The following ZNF462 variants were observed in gnomAD, a reference collection of about 807,000 sequenced individuals.
ZNF462 encodes the protein zinc finger protein 462.
In ZNF462, 10 loss-of-function variants were observed where a neutral mutation model predicts 201.9. That is an observed-to-expected ratio of 0.05 (90% CI 0.03 to 0.08). ZNF462 has a LOEUF of 0.08. Ranked by LOEUF, ZNF462 falls within the 10% of genes least tolerant of loss-of-function variation. The probability of loss-of-function intolerance (pLI) is 1.00; values close to 1 mark genes in which losing one functional copy is unlikely to be tolerated. For missense variants in ZNF462, 2,523 were observed against 3,168.3 expected, an observed-to-expected ratio of 0.80 and a Z score of 4.89; for synonymous variants, 1,227 against 1,193.3, an observed-to-expected ratio of 1.03 and a Z score of -0.58.
At chr9:106,892,300 A>G (rs1828613246) in intron 1 of ZNF462, among the ~76,000 whole-genome samples, 1 of 152,154 alleles carries the variant, frequency 6.6e-6, no homozygotes, top group Non-Finnish European at 1.5e-5. Context: ...CGAAAGTGCA[A>G]CTCAGAAGAT....
upstream of ZNF462, chr9:106,863,033 G>A (rs1029069894): frequency 2.5e-6 from 1 of 396,832 alleles, no homozygotes; most frequent in Non-Finnish European, 4.4e-6. Context: ...GAGAGAGAGA[G>A]CGCGCGAGGG....
In ZNF462 at chr9:106,966,745, A is replaced by G. The variant is rs904177650; in HGVS notation, c.6428-5260A>G. On this transcript the variant is annotated intron_variant, in intron 7 of 12. Coordinates refer to ENST00000277225, the MANE Select transcript of ZNF462 (RefSeq NM_021224.6). This position sits in a 1 kb window ranked among gnomAD's most constrained non-coding sequence, Gnocchi z 4.4. Reference sequence around the variant, plus strand: ...TTGCTGAATGAATGGGTGTAATTGAATCATTTGCCCCTTGGCCACCTCTAA... The same window carrying G: ...TTGCTGAATGAATGGGTGTAATTGAGTCATTTGCCCCTTGGCCACCTCTAA... Among the ~76,000 whole-genome samples, 1 of 152,158 alleles carries G rather than the reference A, an allele frequency of 6.6e-6. No homozygotes were observed. The highest frequency in any genetic ancestry group is 2.4e-5 in the African/African-American group (1 of 41,450).
chr9:106,862,886 T>C (rs564999420), upstream of ZNF462, among the ~76,000 whole-genome samples: 2 of 152,126 alleles, frequency 1.3e-5, no homozygotes, highest in South Asian at 4.1e-4. This position sits in a 1 kb window ranked among gnomAD's most constrained non-coding sequence, Gnocchi z 4.2. Flanking sequence ...GTTGTTGTTA[T>C]TAGAAAGGCT....
rs1484576406 is a variant in ZNF462 at position 106,972,327 on chromosome 9, C to G, written c.6695+55C>G. ...ACAAGGCGGCCGCCCCTGCTCCACC[C>G]CTCACTGCAGGCTTCCCTTACACTT... On this transcript the variant is annotated intron_variant, in intron 8 of 12. Transcript: ENST00000277225. This position sits in a 1 kb window ranked among gnomAD's most constrained non-coding sequence, Gnocchi z 4.8. 2 of 1,572,404 alleles carry G rather than the reference C, an allele frequency of 1.3e-6. No individual in the cohort carries two copies. The highest frequency in any genetic ancestry group is 1.7e-6 in the Non-Finnish European group (2 of 1,159,060).
chr9:106,907,322 C>CT, intron 1 of ZNF462, among the ~76,000 whole-genome samples: 1 of 152,198 alleles, frequency 6.6e-6, no homozygotes. Context: ...GTGCTTGAGA[C>CT]TTTAGACCAG....
chr9:106,973,431 T>C (rs1197676623), intron 8 of ZNF462, among the ~76,000 whole-genome samples: 1 of 152,140 alleles, frequency 6.6e-6, no homozygotes, highest in African/African-American at 2.4e-5. Context: ...AATACATTTG[T>C]GATTTGGTGC....
chr9:106,986,520 A>G (rs1827841808), intron 10 of ZNF462, among the ~76,000 whole-genome samples: 1 of 152,174 alleles, frequency 6.6e-6, no homozygotes, highest in Admixed American at 6.5e-5. Flanking sequence ...AAATATAATA[A>G]TAGATGTACC....
chr9:106,929,514 GACC>G lies in ZNF462; in HGVS notation c.5608_5610del (p.His1870del). On this transcript the variant is annotated inframe_deletion, in exon 3 of 13. Transcript: ENST00000277225. The surrounding 1 kb of genome is among the most constrained non-coding windows in gnomAD (Gnocchi z 8.7). Reference sequence around the variant, plus strand: ...AGAGCTGCTGTGCATGCATTACACTGACCACCACAGTCGGGACCTAAAGAGGGA... The same window carrying G: ...AGAGCTGCTGTGCATGCATTACACTGACCACAGTCGGGACCTAAAGAGGGA... The G allele has an allele frequency of 6.2e-7, 1 of 1,614,120 alleles. No homozygotes were observed. The highest frequency in any genetic ancestry group is 8.5e-7 in the Non-Finnish European group (1 of 1,180,032).
In ZNF462 at chr9:106,984,696, A is replaced by G. The variant is rs1283397375; in HGVS notation, c.7056+287A>G. ...GACCCACTTTCATTTGTTTTACGTA[A>G]TTGTGATTATACTATACATAAAACA... On this transcript the variant is annotated intron_variant, in intron 10 of 12. Transcript: ENST00000277225. The surrounding 1 kb of genome is among the most constrained non-coding windows in gnomAD (Gnocchi z 6.4). Among the ~76,000 whole-genome samples, 17 of 152,184 alleles carry G rather than the reference A, an allele frequency of 1.1e-4. No individual in the cohort carries two copies. Among genetic ancestry groups the G allele is most frequent in the Admixed American group, 1.0e-3 (16 of 15,276 alleles).
In ZNF462 at chr9:106,998,088, T is replaced by G. The variant is rs146011397; in HGVS notation, c.7057-5206T>G. ...TACACAAAAAGTTTACCAGCCTGTG[T>G]TATAAGTCATTCAAAATCTTCACAG... is the stretch of plus-strand genomic sequence containing the variant. On this transcript the variant is annotated intron_variant, in intron 10 of 12. Coordinates refer to ENST00000277225, the MANE Select transcript of ZNF462 (RefSeq NM_021224.6). Among the ~76,000 whole-genome samples the G allele has an allele frequency of 2.6e-5, 4 of 152,298 alleles. No homozygotes were observed. In the East Asian group the frequency reaches 7.7e-4, roughly 29 times the overall value.
At chr9:106,904,404 G>C (rs902415048) in intron 1 of ZNF462, among the ~76,000 whole-genome samples, 2 of 152,138 alleles carry the variant, frequency 1.3e-5, no homozygotes, top group African/African-American at 4.8e-5. Context: ...ATGACAGTGT[G>C]CCTAGGTGAA....
At chr9:106,887,184 A>G (rs1247379224) in intron 1 of ZNF462, among the ~76,000 whole-genome samples, 2 of 152,200 alleles carry the variant, frequency 1.3e-5, no homozygotes, top group Admixed American at 6.5e-5. Context: ...GGTTTTCACC[A>G]TAAGTTTTAT....
upstream of ZNF462, among the ~76,000 whole-genome samples, chr9:106,860,348 C>G (rs1464976882): frequency 3.3e-5 from 5 of 152,186 alleles, no homozygotes; most frequent in Admixed American, 3.3e-4. The surrounding 1 kb of genome is among the most constrained non-coding windows in gnomAD (Gnocchi z 7.1). Flanking sequence ...TTGGGGCGCG[C>G]TCACGTTCTC....
rs959500189 is a variant in ZNF462 at position 106,950,919 on chromosome 9, A to G, written c.6427+11812A>G. ...AGCCTGGCCAACATAGTGAAACCCC[A>G]TCTCTACTAAAAATACAAAAATTAG... On this transcript the variant is annotated intron_variant, in intron 7 of 12. Coordinates refer to ENST00000277225, the MANE Select transcript of ZNF462 (RefSeq NM_021224.6). This position sits in a 1 kb window ranked among gnomAD's most constrained non-coding sequence, Gnocchi z 4.1. 6.6e-6 allele frequency among the ~76,000 whole-genome samples: 1 copy of G among 151,900 alleles called. No homozygotes were observed. The highest frequency in any genetic ancestry group is 1.5e-5 in the Non-Finnish European group (1 of 67,990).
chr9:106,929,913 T>C lies in ZNF462; in HGVS notation c.5847+154T>C, dbSNP rs903365432. Reference sequence around the variant, plus strand: ...GTCAATTAAACATTTCGAGCTTGATTATCTCCCATTCTGTGCTCACCCCTC... The same window carrying C: ...GTCAATTAAACATTTCGAGCTTGATCATCTCCCATTCTGTGCTCACCCCTC... On this transcript the variant is annotated intron_variant, in intron 3 of 12. Transcript: ENST00000277225. The surrounding 1 kb of genome is among the most constrained non-coding windows in gnomAD (Gnocchi z 8.7). 2.0e-5 allele frequency among the ~76,000 whole-genome samples: 3 copies of C among 152,128 alleles called. No homozygotes were observed. The highest frequency in any genetic ancestry group is 4.4e-5 in the Non-Finnish European group (3 of 68,022).
rs1032176529 is a variant in ZNF462 at position 106,927,097 on chromosome 9, G to A, written c.3185G>A (p.Arg1062Lys). The A allele has an allele frequency of 2.5e-6, 4 of 1,614,014 alleles. No individual in the cohort carries two copies. Among genetic ancestry groups the A allele is most frequent in the Admixed American group, 1.7e-5 (1 of 60,004 alleles). The change falls in exon 3 of 13, where the codon AGG (arginine) becomes AAG (lysine). Residue 1062 changes from arginine to lysine, a missense_variant. Transcript: ENST00000277225. Reference protein sequence around the residue: ...KHPEEKASYFRIQKTMRMVSV... With the variant: ...KHPEEKASYFKIQKTMRMVSV... ...CCCGAAGAAAAGGCTTCCTACTTTA[G>A]GATCCAGAAAACTATGCGAATGGTG...
In ZNF462 at chr9:107,013,192, T is replaced by G. The variant is rs903886032; in HGVS notation, c.*2162T>G. On this transcript the variant is annotated 3_prime_UTR_variant, in exon 13 of 13. Coordinates refer to ENST00000277225, the MANE Select transcript of ZNF462 (RefSeq NM_021224.6). ...TTTTTCAAATAACATGTAAATATTGTAATCCATTGGATTTTGTTTTGCTAA... is the reference window on the plus strand; with the variant it reads ...TTTTTCAAATAACATGTAAATATTGGAATCCATTGGATTTTGTTTTGCTAA... 1 of 152,228 alleles carries G rather than the reference T, an allele frequency of 6.6e-6. No homozygotes were observed. The highest frequency in any genetic ancestry group is 1.5e-5 in the Non-Finnish European group (1 of 68,030). The allele number at this position is 152,228 out of a possible 1,614,324, so 9.4% of individuals were successfully genotyped here.
intron 10 of ZNF462, among the ~76,000 whole-genome samples, chr9:106,999,729 G>T (rs1451660425): frequency 6.6e-6 from 1 of 152,184 alleles, no homozygotes; most frequent in African/African-American, 2.4e-5. Flanking sequence ...TGTATAGGTA[G>T]TTGGACTTTA....
chr9:106,989,736 A>T (rs1046151830), intron 10 of ZNF462, among the ~76,000 whole-genome samples: 2 of 152,092 alleles, frequency 1.3e-5, no homozygotes, highest in Non-Finnish European at 2.9e-5. Flanking sequence ...TGGTCTGTTC[A>T]GGGTATCTAA....
Sources: gnomAD v4.1 joint callset for allele counts (sites outside exome capture counted in the v4.1 genomes callset) on GRCh38, gnomAD v4.1.1 for gene constraint, Gnocchi (gnomAD v3.1) non-coding constraint, MANE v1.5 for transcripts, NCBI Gene and HGNC (gene_info 2026-07-23, HGNC 2026-07-21) for gene names.